Variants in ADAMTS3 observed in about 807,000 individuals in gnomAD.
ADAMTS3 encodes ADAM metallopeptidase with thrombospondin type 1 motif 3, also known as A disintegrin and metalloproteinase with thrombospondin motifs 3.
In ADAMTS3, 73 loss-of-function variants were observed where a neutral mutation model predicts 129.0. The observed-to-expected ratio is 0.57, with a 90% CI of 0.47 to 0.69. The LOEUF (loss-of-function observed/expected upper bound fraction) is 0.69. Ranked by LOEUF, ADAMTS3 falls within the 30% of genes least tolerant of loss-of-function variation. The pLI, the probability that ADAMTS3 is intolerant of heterozygous loss-of-function variation, is 0.00. For synonymous variants in ADAMTS3, 477 were observed against 510.8 expected, an observed-to-expected ratio of 0.93 and a Z score of 0.89; for missense variants, 1,457 against 1,514.5, an observed-to-expected ratio of 0.96 and a Z score of 0.63.
intron 3 of ADAMTS3, among the ~76,000 whole-genome samples, chr4:72,457,455 G>C (rs1718655186): frequency 6.6e-6 from 1 of 151,612 alleles, no homozygotes; most frequent in African/African-American, 2.4e-5. Context: ...CTTTGAACTA[G>C]TTACATTTTT....
intron 4 of ADAMTS3, among the ~76,000 whole-genome samples, chr4:72,352,315 G>A (rs908377529): frequency 4.6e-4 from 70 of 152,076 alleles, no homozygotes; most frequent in Non-Finnish European, 1.5e-4. Flanking sequence ...CAGGAAGCAA[G>A]TCTATTTCTA....
At chr4:72,306,703 G>A (rs1295848571) in intron 15 of ADAMTS3, among the ~76,000 whole-genome samples, 1 of 151,894 alleles carries the variant, frequency 6.6e-6, no homozygotes, top group Non-Finnish European at 1.5e-5. Context: ...AAACCACTTA[G>A]TTGGAAAATG....
chr4:72,507,949 A>T (rs895592055), intron 3 of ADAMTS3, among the ~76,000 whole-genome samples: 1 of 152,212 alleles, frequency 6.6e-6, no homozygotes, highest in Non-Finnish European at 1.5e-5. Context: ...TGATTTATTA[A>T]GTCACATATG....
chr4:72,483,947 G>A (rs1393341782), intron 3 of ADAMTS3, among the ~76,000 whole-genome samples: 11 of 152,140 alleles, frequency 7.2e-5, no homozygotes, highest in Non-Finnish European at 1.5e-4. Context: ...GAACCCAGGA[G>A]GCGGAACTTG....
chr4:72,484,212 C>G (rs943549051), intron 3 of ADAMTS3, among the ~76,000 whole-genome samples: 5 of 152,030 alleles, frequency 3.3e-5, no homozygotes, highest in African/African-American at 4.8e-5. Context: ...AGTTTAAAAC[C>G]TAACACTAAA....
At position 72,311,047 on chromosome 4, in the gene ADAMTS3, CCA is replaced by C; in HGVS notation, c.2054_2055del (p.Val685GlufsTer5). ...CCTTTGGGGAAGCAATTTGAACTTA[CCA>C]CACACTCTCCTCGCACACATATGCT... ...PYSICVRGEC[V>X]KVGCDKEIGS... On this transcript the variant is annotated frameshift_variant and splice_region_variant, in exon 14 of 22. Coordinates refer to ENST00000286657, the MANE Select transcript of ADAMTS3 (RefSeq NM_014243.3). LOFTEE classifies it high-confidence loss of function. The C allele has an allele frequency of 6.3e-7, 1 of 1,594,476 alleles. No homozygotes were observed. The highest frequency in any genetic ancestry group is 2.3e-5 in the East Asian group (1 of 44,358).
Position 72,402,177 on chromosome 4 carries a change from A to G in ADAMTS3, c.661+12638T>C, listed in dbSNP as rs1357200870. The stretch of plus-strand genomic sequence containing the variant: ...AGGAATGGCCTCCTTTCTCCCAGTC[A>G]TTGTATCTTGAATCAAAACCCAAGC... On this transcript the variant is annotated intron_variant, in intron 4 of 21. Coordinates refer to ENST00000286657, the MANE Select transcript of ADAMTS3 (RefSeq NM_014243.3). Among the ~76,000 whole-genome samples the G allele has an allele frequency of 2.0e-5, 3 of 152,044 alleles. No homozygotes were observed. The East Asian group carries it at 5.8e-4, about 29-fold the overall frequency.
In ADAMTS3 at chr4:72,323,034, T is replaced by G. The variant is rs751982283; in HGVS notation, c.925A>C (p.Ile309Leu). ...TTTACCTTTGCATATCCCAGCATTA[T>G]CATGCGCACCAGGACCACATTTATA... Reference protein sequence around the residue: ...VHINVVLVRMIMLGYAKSISL... With the variant: ...VHINVVLVRMLMLGYAKSISL... The change falls in exon 6 of 22, where the codon ATA becomes CTA. Residue 309 changes from isoleucine to leucine, a missense_variant. Coordinates refer to ENST00000286657, the MANE Select transcript of ADAMTS3 (RefSeq NM_014243.3). 1.9e-6 allele frequency: 3 copies of G among 1,613,408 alleles called. No individual in the cohort carries two copies. The highest frequency in any genetic ancestry group is 2.5e-6 in the Non-Finnish European group (3 of 1,179,596).
At chr4:72,412,164 G>A (rs1722199568) in intron 4 of ADAMTS3, among the ~76,000 whole-genome samples, 1 of 152,034 alleles carries the variant, frequency 6.6e-6, no homozygotes, top group South Asian at 2.1e-4. Context: ...TGCTGTCAGA[G>A]AAATGTATGG....
intron 3 of ADAMTS3, among the ~76,000 whole-genome samples, chr4:72,501,088 C>T (rs571507586): frequency 6.6e-6 from 1 of 152,180 alleles, no homozygotes; most frequent in Non-Finnish European, 1.5e-5. Flanking sequence ...ATTGCTTTGA[C>T]TATTTGAGCC....
intron 3 of ADAMTS3, among the ~76,000 whole-genome samples, chr4:72,432,833 A>G (rs1445699226): frequency 2.0e-5 from 3 of 151,966 alleles, no homozygotes; most frequent in African/African-American, 7.2e-5. Context: ...AATGTGTATT[A>G]CATGCCAAGC....
At position 72,463,451 on chromosome 4, in the gene ADAMTS3, C is replaced by T. The variant is rs528308394; in HGVS notation, c.505-48480G>A. 1.6e-4 allele frequency among the ~76,000 whole-genome samples: 24 copies of T among 152,060 alleles called. No individual in the cohort carries two copies. In the South Asian group the frequency reaches 4.1e-3, roughly 26 times the overall value. On this transcript the variant is annotated intron_variant, in intron 3 of 21. Transcript: ENST00000286657. ...GCAAAGCAGAAGCATACATTGTAAT[C>T]ACTTGAAAGAAAAGATTATATCTAG... is the stretch of plus-strand genomic sequence containing the variant.
At chr4:72,425,445 T>C in intron 3 of ADAMTS3, among the ~76,000 whole-genome samples, 1 of 152,174 alleles carries the variant, frequency 6.6e-6, no homozygotes, top group Admixed American at 6.5e-5. Context: ...TAACTCGTCA[T>C]TTAACATTAG....
chr4:72,370,319 A>G (rs1720972216), intron 4 of ADAMTS3, among the ~76,000 whole-genome samples: 1 of 152,102 alleles, frequency 6.6e-6, no homozygotes, highest in South Asian at 2.1e-4. Context: ...GTAAATATAT[A>G]TATCTCTTTT....
intron 5 of ADAMTS3, among the ~76,000 whole-genome samples, chr4:72,338,977 C>T (rs1720058590): frequency 6.6e-6 from 1 of 152,170 alleles, no homozygotes; most frequent in Non-Finnish European, 1.5e-5. Flanking sequence ...TAGTTGTATG[C>T]TTTGTATTAA....
At position 72,282,655 on chromosome 4, in the gene ADAMTS3, G is replaced by GT. The variant is rs1178364745; in HGVS notation, c.*480dup. The GT allele has an allele frequency of 6.5e-6, 1 of 153,408 alleles. No homozygotes were observed. The highest frequency in any genetic ancestry group is 1.5e-5 in the Non-Finnish European group (1 of 68,696). The allele number at this position is 153,408 out of a possible 1,614,324, so 9.5% of individuals were successfully genotyped here. ...ATAATACTGATTTTTGCAATATACA[G>GT]TATTTACACAACAGCTGCAAATTTG... On this transcript the variant is annotated 3_prime_UTR_variant, in exon 22 of 22. Coordinates refer to ENST00000286657, the MANE Select transcript of ADAMTS3 (RefSeq NM_014243.3).
At chr4:72,424,641 T>A (rs1011958202) in intron 3 of ADAMTS3, among the ~76,000 whole-genome samples, 2 of 152,124 alleles carry the variant, frequency 1.3e-5, no homozygotes, top group Non-Finnish European at 2.9e-5. Context: ...ACAGTGCATT[T>A]GTCATTGAGG....
intron 15 of ADAMTS3, among the ~76,000 whole-genome samples, chr4:72,306,568 T>G (rs977987840): frequency 1.3e-5 from 2 of 152,026 alleles, no homozygotes; most frequent in African/African-American, 4.8e-5. Flanking sequence ...AAAGCCTTCT[T>G]TATTCTAAAG....
At chr4:72,462,881 GA>G (rs1204877146) in intron 3 of ADAMTS3, among the ~76,000 whole-genome samples, 4 of 151,768 alleles carry the variant, frequency 2.6e-5, no homozygotes, top group Admixed American at 2.0e-4. Flanking sequence ...ATTGAAGAAA[GA>G]AAATTTTTAA....
Sources: allele counts gnomAD v4.1 joint callset (sites outside exome capture counted in the v4.1 genomes callset), GRCh38; gene constraint gnomAD v4.1.1; transcripts MANE v1.5; gene names NCBI Gene and HGNC (gene_info 2026-07-23, HGNC 2026-07-21).